Variants in TRIQK observed in about 807,000 individuals in gnomAD.
The protein encoded by TRIQK is triple QxxK/R motif containing.
In TRIQK, 10 loss-of-function variants were observed where a neutral mutation model predicts 10.8. That is an observed-to-expected ratio of 0.92 (90% CI 0.57 to 1.57). TRIQK has a LOEUF of 1.57. TRIQK is among the 40% of genes most tolerant of loss of function. TRIQK has a pLI of 0.00. For synonymous variants in TRIQK, 33 were observed against 33.7 expected (o/e 0.98, Z 0.07); for missense variants, 107 against 97.7 (o/e 1.09, Z -0.40).
intron 3 of TRIQK, among the ~76,000 whole-genome samples, chr8:92,913,275 A>G (rs533490412): frequency 6.6e-5 from 10 of 152,296 alleles, no homozygotes; most frequent in Admixed American, 4.6e-4. Context: ...AAACAAATTT[A>G]CAAGAAAAAA....
chr8:92,968,313 AC>A (rs1812837579), upstream of TRIQK, among the ~76,000 whole-genome samples: 1 of 152,130 alleles, frequency 6.6e-6, no homozygotes, highest in African/African-American at 2.4e-5. Context: ...TTGGGCATAT[AC>A]CCAGTAATGG....
At chr8:92,981,999 T>C (rs1234522377) in intron 1 of TRIQK, among the ~76,000 whole-genome samples, 1 of 151,802 alleles carries the variant, frequency 6.6e-6, no homozygotes, top group East Asian at 1.9e-4. Context: ...AGGGTATTAC[T>C]TTTTTATATG....
At chr8:92,933,456 C>G (rs1810832720) in intron 2 of TRIQK, among the ~76,000 whole-genome samples, 1 of 152,044 alleles carries the variant, frequency 6.6e-6, no homozygotes, top group South Asian at 2.1e-4. Context: ...AGAGGTCTAT[C>G]ACCTTATTTT....
intron 3 of TRIQK, among the ~76,000 whole-genome samples, chr8:92,897,847 C>T (rs181913834): frequency 4.6e-5 from 7 of 152,056 alleles, no homozygotes; most frequent in Admixed American, 2.0e-4. Context: ...GGGTACATCT[C>T]CATGCTACAA....
intron 1 of TRIQK, among the ~76,000 whole-genome samples, chr8:92,981,290 G>T (rs554479645): frequency 1.6e-3 from 250 of 151,632 alleles, no homozygotes; most frequent in Admixed American, 3.9e-3. Flanking sequence ...ATGGTCATTT[G>T]TTTCTCATTT....
chr8:92,961,479 C>CA (rs1384329591), intron 1 of TRIQK, among the ~76,000 whole-genome samples: 4 of 151,682 alleles, frequency 2.6e-5, no homozygotes, highest in Admixed American at 1.3e-4. Flanking sequence ...GCATGTTGTT[C>CA]AAAAAAAAGA....
chr8:93,010,227 T>C (rs1204149276), intron 1 of TRIQK, among the ~76,000 whole-genome samples: 1 of 152,158 alleles, frequency 6.6e-6, no homozygotes, highest in African/African-American at 2.4e-5. Flanking sequence ...ATAACAATAA[T>C]GTATTGTATA....
upstream of TRIQK, among the ~76,000 whole-genome samples, chr8:92,969,134 G>A (rs556346938): frequency 5.5e-4 from 83 of 152,164 alleles, no homozygotes; most frequent in African/African-American, 2.0e-3. Flanking sequence ...TATTTGTGAG[G>A]CCTCAGTTCT....
At chr8:92,894,744 A>C (rs1808501034) in intron 3 of TRIQK, among the ~76,000 whole-genome samples, 2 of 152,142 alleles carry the variant, frequency 1.3e-5, no homozygotes, top group Non-Finnish European at 2.9e-5. Flanking sequence ...ATTGAAAATC[A>C]AACATATTTG....
At chr8:92,915,934 T>C (rs923471669) in intron 3 of TRIQK, among the ~76,000 whole-genome samples, 7 of 152,062 alleles carry the variant, frequency 4.6e-5, no homozygotes, top group Non-Finnish European at 8.8e-5. Flanking sequence ...AATAGATATA[T>C]ACTATATTTT....
At chr8:92,927,302 G>A (rs1462586537) in intron 2 of TRIQK, among the ~76,000 whole-genome samples, 2 of 152,042 alleles carry the variant, frequency 1.3e-5, no homozygotes, top group Non-Finnish European at 2.9e-5. Flanking sequence ...ATAAAAAGTG[G>A]GTGACTTGAT....
chr8:92,910,192 TAGTA>T (rs1044587415), intron 3 of TRIQK, among the ~76,000 whole-genome samples: 7 of 151,570 alleles, frequency 4.6e-5, no homozygotes, highest in African/African-American at 1.7e-4. Flanking sequence ...ATTTAAATTC[TAGTA>T]AGTACAATTA....
chr8:92,973,594 G>T (rs1812898408), intron 1 of TRIQK: 2 of 152,092 alleles, frequency 1.3e-5, no homozygotes, highest in Admixed American at 1.3e-4. Context: ...ACTATTAAAA[G>T]ATATACAAAG....
chr8:92,971,986 T>C (rs1812881309), intron 1 of TRIQK, among the ~76,000 whole-genome samples: 2 of 152,236 alleles, frequency 1.3e-5, no homozygotes, highest in African/African-American at 4.8e-5. Flanking sequence ...TATGATTTCC[T>C]GATGAATCAA....
intron 2 of TRIQK, among the ~76,000 whole-genome samples, chr8:92,932,493 C>T (rs1485805999): frequency 6.6e-6 from 1 of 152,040 alleles, no homozygotes; most frequent in Non-Finnish European, 1.5e-5. Flanking sequence ...CTAATTTCTC[C>T]ACTGAGAGAG....
intron 4 of TRIQK, 87 bp downstream of exon 4, chr8:92,891,902 T>C: frequency 1.1e-6 from 1 of 942,532 alleles, no homozygotes; most frequent in South Asian, 1.8e-5. Flanking sequence ...CATAAAACAT[T>C]TAGAATTCAA....
At chr8:92,957,937 T>C (rs924715063) in intron 1 of TRIQK, among the ~76,000 whole-genome samples, 12 of 152,072 alleles carry the variant, frequency 7.9e-5, no homozygotes, top group Admixed American at 7.2e-4. Flanking sequence ...TTTTATTCCA[T>C]GAAAGTATAA....
At chr8:92,907,636 T>C (rs1393743372) in intron 3 of TRIQK, among the ~76,000 whole-genome samples, 1 of 152,204 alleles carries the variant, frequency 6.6e-6, no homozygotes, top group African/African-American at 2.4e-5. Context: ...TAATTTTTAC[T>C]TGCATATACA....
At chr8:92,992,190 G>A (rs533679897) in intron 1 of TRIQK, among the ~76,000 whole-genome samples, 42 of 152,236 alleles carry the variant, frequency 2.8e-4, no homozygotes, top group Middle Eastern at 3.4e-3. Flanking sequence ...CCACTGCTGG[G>A]AGAGAAACAG....
Sources: allele counts gnomAD v4.1 joint callset (sites outside exome capture counted in the v4.1 genomes callset), GRCh38; gene constraint gnomAD v4.1.1; transcripts MANE v1.5; gene names NCBI Gene and HGNC (gene_info 2026-07-23, HGNC 2026-07-21).